The following NME3 variants were observed in gnomAD, a reference collection of about 807,000 sequenced individuals.
The protein encoded by NME3 is NME/NM23 nucleoside diphosphate kinase 3.
In NME3, 23 loss-of-function variants were observed where a neutral mutation model predicts 15.8. That is an observed-to-expected ratio of 1.45 (90% confidence interval 1.05 to 2.06). The LOEUF is 2.06. Ranked by LOEUF, NME3 falls within the 30% of genes most tolerant of loss-of-function variation. The pLI, the probability that NME3 is intolerant of heterozygous loss-of-function variation, is 0.00. For missense variants in NME3, 354 were observed against 243.2 expected (o/e 1.46, Z -3.03); for synonymous variants, 157 against 104.4 (o/e 1.50, Z -3.07).
At chr16:1,770,838 G>C in intron 4 of NME3, 43 bp downstream of exon 4, 2 of 1,572,394 alleles carry the variant, frequency 1.3e-6, no homozygotes, top group Admixed American at 1.7e-5. Context: ...CTGAACAGGG[G>C]GAGGCCGGAC....
At chr16:1,770,843 C>A in intron 4 of NME3, 38 bp downstream of exon 4, 1 of 1,569,046 alleles carries the variant, frequency 6.4e-7, no homozygotes, top group South Asian at 1.2e-5. Context: ...CAGGGGGAGG[C>A]CGGACGGGGC....
intron 2 of NME3, 34 bp from the exon 3 acceptor site, chr16:1,771,205 C>G (rs771918528): frequency 3.2e-6 from 5 of 1,577,630 alleles, no homozygotes; most frequent in Non-Finnish European, 4.3e-6. Flanking sequence ...CGCCCGCACC[C>G]GGCACCTAGG....
chr16:1,771,538 G>A lies in NME3; in HGVS notation c.-4C>T. The A allele has an allele frequency of 7.0e-6, 8 of 1,135,868 alleles. No homozygotes were observed. Among genetic ancestry groups the A allele is most frequent in the Non-Finnish European group, 9.1e-6 (8 of 882,230 alleles). The allele number at this position is 1,135,868 out of a possible 1,614,324, so 70.4% of individuals were successfully genotyped here. On this transcript the variant is annotated 5_prime_UTR_variant, in exon 1 of 5. Coordinates refer to ENST00000219302, the MANE Select transcript of NME3 (RefSeq NM_002513.3). ...TGGTCAGCACCAGGCAGATCATGATGGCGGTGCGGGAGCGGGATCCGCGGG... is the reference window on the plus strand; with the variant it reads ...TGGTCAGCACCAGGCAGATCATGATAGCGGTGCGGGAGCGGGATCCGCGGG...
rs1214692982 is a variant in NME3 at position 1,771,320 on chromosome 16, T to C, written c.137A>G (p.Glu46Gly). 1 of 1,604,702 alleles carries C rather than the reference T, an allele frequency of 6.2e-7. No individual in the cohort carries two copies. The highest frequency in any genetic ancestry group is 1.3e-5 in the African/African-American group (1 of 74,694). Residue 46 changes from glutamate to glycine, a missense_variant, in exon 2 of 5, where the codon GAG (glutamate) becomes GGG (glycine). Physicochemically the swap from Glu to Gly is moderately conservative, Grantham distance 98. Transcript: ENST00000219302. The part of the protein sequence containing the change: ...RLVGEIVRRF[E>G]RKGFKLVALK... ...CGCCACCAACTTGAAGCCCTTCCTC[T>C]CGAAGCGCCGCACAATCTCGCCCAC... is the stretch of plus-strand genomic sequence containing the variant.
In NME3 at chr16:1,770,721, C is replaced by A; in HGVS notation, c.438G>T (p.Glu146Asp). The change falls in exon 5 of 5, where the codon GAG becomes GAT. Residue 146 changes from glutamate to aspartate, a missense_variant. By Grantham distance (45) the Glu-to-Asp change is conservative. Transcript: ENST00000219302. ...GSDSVESARR[E>D]IALWFRADEL... is the part of the protein sequence containing the mutation. ...CGTCTGCGCGGAACCAGAGAGCGAT[C>A]TCGCGGCGGGCACTCTCCACCGAGT... The A allele has an allele frequency of 6.3e-7, 1 of 1,593,476 alleles. No individual in the cohort carries two copies.
At position 1,771,418 on chromosome 16, in the gene NME3, G is replaced by GCAGGCGGGGACGGGCCGT; in HGVS notation, c.47-26_47-9dup. ...CGTGTGCGCCGGTGCAGGCTGCGGG[G>GCAGGCGGGGACGGGCCGT]CAGGCGGGGACGGGCCGTCAGGCCG... On this transcript the variant is annotated splice_polypyrimidine_tract_variant and intron_variant, in intron 1 of 4. Coordinates refer to ENST00000219302, the MANE Select transcript of NME3 (RefSeq NM_002513.3). 1 of 1,533,184 alleles carries GCAGGCGGGGACGGGCCGT rather than the reference G, an allele frequency of 6.5e-7. No homozygotes were observed. The highest frequency in any genetic ancestry group is 2.5e-5 in the East Asian group (1 of 39,544). The allele number at this position is 1,533,184 out of a possible 1,614,324, so 95.0% of individuals were successfully genotyped here.
chr16:1,770,525 G>T lies in NME3; in HGVS notation c.*124C>A. 1 of 708,342 alleles carries T rather than the reference G, an allele frequency of 1.4e-6. No homozygotes were observed. The highest frequency in any genetic ancestry group is 2.3e-6 in the Non-Finnish European group (1 of 441,912). 43.9% of individuals were successfully genotyped at this position (708,342 alleles called of 1,614,324 possible). A position where few individuals can be genotyped will look rare whatever the true frequency, so the allele number is the denominator to read the frequency against. On this transcript the variant is annotated 3_prime_UTR_variant, in exon 5 of 5. Coordinates refer to ENST00000219302, the MANE Select transcript of NME3 (RefSeq NM_002513.3). ...CACCCTCCATGCAACGTCCAGACAGGTGGATGTTCAGCAGCCCGTCCAAAG... is the reference window on the plus strand; with the variant it reads ...CACCCTCCATGCAACGTCCAGACAGTTGGATGTTCAGCAGCCCGTCCAAAG...
intron 2 of NME3, 25 bp from the exon 3 acceptor site, chr16:1,771,196 GC>G: frequency 3.2e-6 from 5 of 1,581,414 alleles, no homozygotes; most frequent in Non-Finnish European, 4.3e-6. Flanking sequence ...GGCCGCCTGC[GC>G]CCGCACCCGG....
In NME3 at chr16:1,770,964, G is replaced by A. The variant is rs760396109; in HGVS notation, c.309C>T (p.Thr103=). Residue 103 remains threonine, a synonymous_variant, in exon 4 of 5, where the codon ACC becomes ACT. Transcript: ENST00000219302. ...TCGTGGCTCCGATGAGCGCCCGCGA[G>A]GTGCGCACCACGTCCAGCCCCTGCC... ...MVWQGLDVVR[T]SRALIGATNP... is the part of the protein sequence containing the mutation. 24 of 1,584,838 alleles carry A rather than the reference G, an allele frequency of 1.5e-5. No homozygotes were observed. The highest frequency in any genetic ancestry group is 2.7e-5 in the African/African-American group (2 of 74,290).
rs1415907686 is a variant in NME3, at chr16:1,770,921, G to A, written c.352C>T (p.Pro118Ser). The change falls in exon 4 of 5, where the codon CCC (proline) becomes TCC (serine). Residue 118 changes from proline (P) to serine (S), a missense_variant. By Grantham distance (74) the Pro-to-Ser change is moderately conservative (BLOSUM62 -1). Coordinates refer to ENST00000219302, the MANE Select transcript of NME3 (RefSeq NM_002513.3). ...IGATNPADAP[P>S]GTIRGDFCIE... Reference sequence around the variant, plus strand: ...CAGAAATCCCCGCGGATGGTGCCGGGCGGGGCGTCGGCCGGGTTCGTGGCT... The same window carrying A: ...CAGAAATCCCCGCGGATGGTGCCGGACGGGGCGTCGGCCGGGTTCGTGGCT... The A allele has an allele frequency of 6.3e-7, 1 of 1,588,410 alleles. No homozygotes were observed. The highest frequency in any genetic ancestry group is 1.1e-5 in the South Asian group (1 of 88,938).
chr16:1,771,289 C>T lies in NME3; in HGVS notation c.168G>A (p.Lys56=). ...CTCACCGCGCCCCCACCTGCACCAG[C>T]TTCAGCGCCACCAACTTGAAGCCCT... ...ERKGFKLVAL[K]LVQASEELLR... The change falls in exon 2 of 5, where the codon AAG becomes AAA. Residue 56 remains lysine, a synonymous_variant. Transcript: ENST00000219302. The T allele has an allele frequency of 1.9e-6, 3 of 1,604,582 alleles. No individual in the cohort carries two copies. Among genetic ancestry groups the T allele is most frequent in the Non-Finnish European group, 2.5e-6 (3 of 1,177,618 alleles).
chr16:1,770,508 A>G lies in NME3; in HGVS notation c.*141T>C. ...ATTGGAGAGGCCTGCGCCACCCTCC[A>G]TGCAACGTCCAGACAGGTGGATGTT... On this transcript the variant is annotated 3_prime_UTR_variant, in exon 5 of 5. Transcript: ENST00000219302. 3.1e-6 allele frequency: 2 copies of G among 637,236 alleles called. No individual in the cohort carries two copies. The highest frequency in any genetic ancestry group is 5.2e-6 in the Non-Finnish European group (2 of 386,480). 39.5% of individuals were successfully genotyped at this position (637,236 alleles called of 1,614,324 possible).
rs372237625 is a variant in NME3, at chr16:1,771,385, G to A, written c.72C>T (p.Thr24=). The change falls in exon 2 of 5, where the codon ACC becomes ACT. Residue 24 remains threonine, a synonymous_variant. Transcript: ENST00000219302. The part of the protein sequence containing the change: ...PAACTGAHER[T]FLAVKPDGVQ... ...CGCCGTCCGGCTTCACGGCCAGGAA[G>A]GTGCGTTCGTGTGCGCCGGTGCAGG... 13 of 1,558,050 alleles carry A rather than the reference G, an allele frequency of 8.3e-6. No individual in the cohort carries two copies. Among genetic ancestry groups the A allele is most frequent in the African/African-American group, 2.7e-5 (2 of 73,196 alleles).
At position 1,771,467 on chromosome 16, in the gene NME3, C is replaced by T. The variant is rs2042601401; in HGVS notation, c.46+22G>A. The T allele has an allele frequency of 5.2e-6, 7 of 1,333,964 alleles. No individual in the cohort carries two copies. In the South Asian group the frequency reaches 1.4e-4, roughly 26 times the overall value. The allele number at this position is 1,333,964 out of a possible 1,614,324, so 82.6% of individuals were successfully genotyped here. The stretch of plus-strand genomic sequence containing the variant: ...CGGCCCAGCACCGGCCACCCGCCCC[C>T]GGCCCGCGCCGCGCGGCTCACCCGC... On this transcript the variant is annotated intron_variant, in intron 1 of 4. Coordinates refer to ENST00000219302, the MANE Select transcript of NME3 (RefSeq NM_002513.3).
rs910319450 is a variant in NME3 at position 1,771,508 on chromosome 16, G to A, written c.27C>T (p.Phe9=). MICLVLTI[F]ANLFPAACTG... ...GCTCACCCGCGGGGAAGAGGTTAGCGAAGATGGTCAGCACCAGGCAGATCA... is the reference window on the plus strand; with the variant it reads ...GCTCACCCGCGGGGAAGAGGTTAGCAAAGATGGTCAGCACCAGGCAGATCA... Residue 9 remains phenylalanine (F), a synonymous_variant, in exon 1 of 5, where the codon TTC becomes TTT. Transcript: ENST00000219302. 4.9e-5 allele frequency: 64 copies of A among 1,293,550 alleles called. No individual in the cohort carries two copies. The highest frequency in any genetic ancestry group is 5.8e-5 in the Non-Finnish European group (59 of 1,012,778). The allele number at this position is 1,293,550 out of a possible 1,614,324, so 80.1% of individuals were successfully genotyped here.
At position 1,770,881 on chromosome 16, in the gene NME3, T is replaced by C; in HGVS notation, c.392A>G (p.Lys131Arg). The change falls in exon 4 of 5, where the codon AAG becomes AGG. Residue 131 changes from lysine (K) to arginine (R), a missense_variant and splice_region_variant. Transcript: ENST00000219302. The part of the protein sequence containing the change: ...IRGDFCIEVG[K>R]NLIHGSDSVE... ...GGACCGTCCCCGGGGCGGGCCTTACTTGCCAACCTCGATGCAGAAATCCCC... is the reference window on the plus strand; with the variant it reads ...GGACCGTCCCCGGGGCGGGCCTTACCTGCCAACCTCGATGCAGAAATCCCC... 1 of 1,571,818 alleles carries C rather than the reference T, an allele frequency of 6.4e-7. No homozygotes were observed. Among genetic ancestry groups the C allele is most frequent in the Non-Finnish European group, 8.7e-7 (1 of 1,154,156 alleles).
chr16:1,771,066 T>C lies in NME3; in HGVS notation c.279+4A>G. 1 of 1,604,290 alleles carries C rather than the reference T, an allele frequency of 6.2e-7. No homozygotes were observed. The highest frequency in any genetic ancestry group is 8.5e-7 in the Non-Finnish European group (1 of 1,175,094). Reference sequence around the variant, plus strand: ...AGCCGCCCGCCCGCTTCCCGGATACTCACCATGGCCACCACCGGCCCGGAG... The same window carrying C: ...AGCCGCCCGCCCGCTTCCCGGATACCCACCATGGCCACCACCGGCCCGGAG... On this transcript the variant is annotated splice_donor_region_variant and intron_variant, in intron 3 of 4. Coordinates refer to ENST00000219302, the MANE Select transcript of NME3 (RefSeq NM_002513.3).
At chr16:1,770,815 G>C (rs370175749) in intron 4 of NME3, 49 bp from the exon 5 acceptor site, 3 of 1,581,384 alleles carry the variant, frequency 1.9e-6, no homozygotes, top group South Asian at 1.1e-5. Context: ...CTCCGGCACG[G>C]GTACCACGCA....
rs11890 is a variant in NME3, at chr16:1,770,991, T to A, written c.282A>T (p.Val94=). 1,255,613 of 1,590,722 alleles carry A rather than the reference T, an allele frequency of 0.79. 497,419 individuals are homozygous for A. Among genetic ancestry groups the A allele is most frequent in the Admixed American group, 0.88 (51,798 of 58,802 alleles). The change falls in exon 4 of 5, where the codon GTA becomes GTT. Residue 94 remains valine, a splice_region_variant and synonymous_variant. Transcript: ENST00000219302. ...TGCGCACCACGTCCAGCCCCTGCCA[T>A]ACCTGTGCGGAGGAACGGGCGCGGT... ...YMASGPVVAM[V]WQGLDVVRTS...
Sources: allele counts gnomAD v4.1 joint callset, GRCh38; gene constraint gnomAD v4.1.1; transcripts MANE v1.5; gene names NCBI Gene and HGNC (gene_info 2026-07-23, HGNC 2026-07-21).